Variants in TCN2 observed in about 807,000 individuals in gnomAD.
TCN2 encodes transcobalamin 2.
A neutral mutation model predicts 48.6 loss-of-function variants in TCN2; 34 were observed. The observed-to-expected ratio is 0.70, with a 90% CI of 0.53 to 0.93. TCN2 has a LOEUF of 0.93. TCN2 is among the 40% of genes least tolerant of loss of function. The pLI is 0.00. For missense variants in TCN2, 652 were observed against 526.1 expected, an observed-to-expected ratio of 1.24 and a Z score of -2.34; for synonymous variants, 283 against 212.5, an observed-to-expected ratio of 1.33 and a Z score of -2.89.
intron 2 of TCN2, among the ~76,000 whole-genome samples, chr22:30,612,291 G>A (rs1010878985): frequency 5.9e-5 from 9 of 151,634 alleles, no homozygotes; most frequent in Non-Finnish European, 1.2e-4. Flanking sequence ...GCTCACGCCT[G>A]TAATCCCAGC....
chr22:30,624,738 C>T (rs1456262387), intron 8 of TCN2, among the ~76,000 whole-genome samples: 1 of 152,136 alleles, frequency 6.6e-6, no homozygotes, highest in Non-Finnish European at 1.5e-5. Context: ...AGCCCGCTCC[C>T]AGGAGAAAAA....
At chr22:30,620,996 T>TG (rs576980517) in intron 7 of TCN2, among the ~76,000 whole-genome samples, 2,987 of 150,938 alleles carry the variant, frequency 0.02, 79 homozygotes, top group African/African-American at 0.063. Context: ...GGGTGGTGGT[T>TG]GTTGTTGTTG....
intron 8 of TCN2, among the ~76,000 whole-genome samples, chr22:30,624,025 T>C (rs201806654): frequency 5.2e-4 from 20 of 38,166 alleles, no homozygotes; most frequent in African/African-American, 2.5e-3. Context: ...TATACACACA[T>C]ATATATGTAT....
chr22:30,616,954 A>G (rs2087620272), intron 6 of TCN2, among the ~76,000 whole-genome samples: 1 of 151,712 alleles, frequency 6.6e-6, no homozygotes, highest in Non-Finnish European at 1.5e-5. Flanking sequence ...ATGAATGAAG[A>G]GAAGGTGAGC....
chr22:30,626,635 T>G lies in TCN2; in HGVS notation c.*114T>G, dbSNP rs1310546841. 6.8e-6 allele frequency: 8 copies of G among 1,179,600 alleles called. No individual in the cohort carries two copies. Among genetic ancestry groups the G allele is most frequent in the Non-Finnish European group, 9.9e-6 (8 of 804,306 alleles). The allele number at this position is 1,179,600 out of a possible 1,614,324, so 73.1% of individuals were successfully genotyped here. A position where few individuals can be genotyped will look rare whatever the true frequency, so the allele number is the denominator to read the frequency against. On this transcript the variant is annotated 3_prime_UTR_variant, in exon 9 of 9. Transcript: ENST00000215838. ...CCCTGCTGCCACCTCCTGTGCACTT[T>G]GAGCAATGCCCCCTGGGATCACCCC...
chr22:30,617,392 C>G lies in TCN2; in HGVS notation c.1003C>G (p.Gln335Glu), dbSNP rs771755125. 1.9e-6 allele frequency: 3 copies of G among 1,614,136 alleles called. No individual in the cohort carries two copies. The South Asian group carries it at 3.3e-5, about 18-fold the overall frequency. The change falls in exon 7 of 9, where the codon CAG (glutamine) becomes GAG (glutamate). Residue 335 changes from glutamine (Q) to glutamate (E), a missense_variant. Physicochemically the swap from Gln to Glu is conservative, Grantham distance 29. Coordinates refer to ENST00000215838, the MANE Select transcript of TCN2 (RefSeq NM_000355.4). ...CCAAGAGATCATCAGTGTCACGCTG[C>G]AGGTGCTTAGTCTCTTGCCGCCGTA... Reference protein sequence around the residue: ...QTQEIISVTLQVLSLLPPYRQ... With the variant: ...QTQEIISVTLEVLSLLPPYRQ...
At chr22:30,612,581 A>T (rs951439340) in intron 2 of TCN2, among the ~76,000 whole-genome samples, 2 of 151,982 alleles carry the variant, frequency 1.3e-5, no homozygotes, top group East Asian at 1.9e-4. Flanking sequence ...ATAAAAAAAT[A>T]AAAAAGGAGG....
chr22:30,618,569 T>G lies in TCN2; in HGVS notation c.1106+1074T>G, dbSNP rs547038744. Among the ~76,000 whole-genome samples, 4 of 152,314 alleles carry G rather than the reference T, an allele frequency of 2.6e-5. No individual in the cohort carries two copies. The South Asian group carries it at 8.3e-4, about 32-fold the overall frequency. On this transcript the variant is annotated intron_variant, in intron 7 of 8. Transcript: ENST00000215838. Reference sequence around the variant, plus strand: ...GTTTTACTATGTTGGCCAGCTGGTTTCTAACTCCTGAACTCGGGTGATCTG... The same window carrying G: ...GTTTTACTATGTTGGCCAGCTGGTTGCTAACTCCTGAACTCGGGTGATCTG...
intron 1 of TCN2, among the ~76,000 whole-genome samples, chr22:30,610,025 C>A (rs1407296871): frequency 1.3e-5 from 2 of 152,150 alleles, no homozygotes; most frequent in Admixed American, 1.3e-4. Flanking sequence ...ACCGAAAGTG[C>A]AAGGTTACCT....
Position 30,618,113 on chromosome 22 carries a change from A to ATT in TCN2, c.1106+637_1106+638dup, listed in dbSNP as rs60134354. Among the ~76,000 whole-genome samples the ATT allele has an allele frequency of 5.6e-5, 7 of 124,284 alleles. No individual in the cohort carries two copies. In the East Asian group the frequency reaches 6.8e-4, roughly 12 times the overall value. The allele number at this position is 124,284 out of a possible 152,430, so 81.5% of individuals were successfully genotyped here. On this transcript the variant is annotated intron_variant, in intron 7 of 8. Coordinates refer to ENST00000215838, the MANE Select transcript of TCN2 (RefSeq NM_000355.4). ...GGCACGTGCCACACAACCCTGGGTA[A>ATT]TTTTTTTTTTTTTTTTTTTTGAGAT... is the stretch of plus-strand genomic sequence containing the variant.
At chr22:30,607,612 C>G (rs750805953) in intron 1 of TCN2, among the ~76,000 whole-genome samples, 1 of 152,226 alleles carries the variant, frequency 6.6e-6, no homozygotes, top group Non-Finnish European at 1.5e-5. Context: ...TTCACACATT[C>G]ATTCAGCGCA....
At chr22:30,616,766 A>G (rs1177923761) in intron 6 of TCN2, among the ~76,000 whole-genome samples, 9 of 152,280 alleles carry the variant, frequency 5.9e-5, no homozygotes, top group Admixed American at 4.6e-4. Context: ...GCGCCATTGC[A>G]CTTCAGCCTG....
At chr22:30,616,991 G>A (rs1271622086) in intron 6 of TCN2, among the ~76,000 whole-genome samples, 2 of 152,142 alleles carry the variant, frequency 1.3e-5, no homozygotes, top group East Asian at 3.9e-4. Flanking sequence ...GATGCGTTGT[G>A]AACAAATGCA....
rs201835500 is a variant in TCN2 at position 30,615,279 on chromosome 22, A to G, written c.581-22A>G. On this transcript the variant is annotated intron_variant, in intron 4 of 8. Transcript: ENST00000215838. Reference sequence around the variant, plus strand: ...CCCCTTTGGCTCTCCAGCTCATTGCATGTTCTGTCCCCCACTTCAAGACAC... The same window carrying G: ...CCCCTTTGGCTCTCCAGCTCATTGCGTGTTCTGTCCCCCACTTCAAGACAC... The G allele has an allele frequency of 1.6e-4, 260 of 1,613,920 alleles. 2 individuals carry two copies. The highest frequency in any genetic ancestry group is 6.7e-5 in the Admixed American group (4 of 59,990).
intron 4 of TCN2, 106 bp from the exon 5 acceptor site, chr22:30,615,195 C>A: frequency 8.2e-7 from 1 of 1,221,342 alleles, no homozygotes; most frequent in Non-Finnish European, 1.2e-6. Flanking sequence ...CTTCTCCAAG[C>A]CCTCCTGTGG....
intron 7 of TCN2, 22 bp downstream of exon 7, chr22:30,617,517 C>T (rs765143056): frequency 1.1e-5 from 18 of 1,613,928 alleles, no homozygotes; most frequent in Non-Finnish European, 1.4e-5. Context: ...ACCTCCCAGT[C>T]CTCACCCCAC....
intron 1 of TCN2, among the ~76,000 whole-genome samples, chr22:30,609,158 T>C (rs1267023085): frequency 2.0e-5 from 3 of 151,634 alleles, no homozygotes; most frequent in Admixed American, 6.6e-5. Flanking sequence ...TCTTTCTTCT[T>C]CTTTTTTTTT....
At chr22:30,617,600 C>G (rs2087632537) in intron 7 of TCN2, 105 bp downstream of exon 7, 7 of 1,471,066 alleles carry the variant, frequency 4.8e-6, no homozygotes, top group Non-Finnish European at 5.6e-6. Context: ...TCGGGAGAGA[C>G]ACTGGCCCTG....
intron 1 of TCN2, among the ~76,000 whole-genome samples, 162 bp from the exon 2 acceptor site, chr22:30,610,709 T>C (rs1037165470): frequency 6.6e-6 from 1 of 152,220 alleles, no homozygotes; most frequent in Non-Finnish European, 1.5e-5. Context: ...CTCCTCCCAC[T>C]GCCTTTCAGT....
Sources: gnomAD v4.1 joint callset for allele counts (sites outside exome capture counted in the v4.1 genomes callset) on GRCh38, gnomAD v4.1.1 for gene constraint, MANE v1.5 for transcripts, NCBI Gene and HGNC (gene_info 2026-07-23, HGNC 2026-07-21) for gene names.